SH2D5: variants seen among roughly 807,000 people sequenced by gnomAD.
SH2D5 encodes SH2 domain-containing protein 5.
SH2D5 carries 45 observed loss-of-function variants against 48.2 expected under a neutral mutation model. The ratio of observed to expected loss-of-function variants is 0.93; its 90% CI spans 0.73 to 1.20. The LOEUF (loss-of-function observed/expected upper bound fraction) is 1.20. SH2D5 is among the 50% of genes most tolerant of loss of function. SH2D5 has a pLI of 0.00. For missense variants in SH2D5, 538 were observed against 584.1 expected (o/e 0.92, Z 0.81); for synonymous variants, 230 against 249.8 (o/e 0.92, Z 0.75).
rs571512493 is a variant in SH2D5, at chr1:20,725,176, G to A, written c.391-541C>T. ...AGGCCCAGTGCTTGTCGGGAGCAGC[G>A]CATCCCAACCGCCACACACACCATC... On this transcript the variant is annotated intron_variant, in intron 5 of 9. Transcript: ENST00000444387. 1.1e-4 allele frequency among the ~76,000 whole-genome samples: 16 copies of A among 152,338 alleles called. No homozygotes were observed. The South Asian group carries it at 1.2e-3, about 12-fold the overall frequency.
Position 20,721,503 on chromosome 1 carries a change from C to T in SH2D5, c.*289G>A, listed in dbSNP as rs1398029139. The T allele has an allele frequency of 2.7e-6, 1 of 376,352 alleles. No individual in the cohort carries two copies. Among genetic ancestry groups the T allele is most frequent in the African/African-American group, 2.1e-5 (1 of 48,382 alleles). 23.3% of individuals were successfully genotyped at this position (376,352 alleles called of 1,614,324 possible). ...AAGCAGAAGCCCAGAAGTCCCAAAG[C>T]ATCCGAAGCCACACAGCAGGTCATC... On this transcript the variant is annotated 3_prime_UTR_variant, in exon 10 of 10. Transcript: ENST00000444387.
At chr1:20,723,881 C>G (rs565243700) in intron 7 of SH2D5, 147 bp from the exon 8 acceptor site, 1 of 984,054 alleles carries the variant, frequency 1.0e-6, no homozygotes, top group African/African-American at 1.6e-5. Flanking sequence ...TTCCGCCCGA[C>G]AGTTCTGGTC....
Position 20,728,734 on chromosome 1 carries a change from G to T in SH2D5, c.-42-648C>A, listed in dbSNP as rs557698930. On this transcript the variant is annotated intron_variant, in intron 1 of 9. Coordinates refer to ENST00000444387, the MANE Select transcript of SH2D5 (RefSeq NM_001103161.2). The surrounding 1 kb of genome is among the most constrained non-coding windows in gnomAD (Gnocchi z 4.3). ...ATCCAGTTTGGGATCAGCCTTAGAC[G>T]CCAGGCTCAGGAATTCAGACCCCAC... Among the ~76,000 whole-genome samples the T allele has an allele frequency of 1.3e-5, 2 of 152,330 alleles. No individual in the cohort carries two copies. The highest frequency in any genetic ancestry group is 1.9e-4 in the East Asian group (1 of 5,182).
intron 3 of SH2D5, 170 bp downstream of exon 3, chr1:20,727,353 A>C: frequency 1.5e-6 from 1 of 687,372 alleles, no homozygotes; most frequent in Non-Finnish European, 2.5e-6. Flanking sequence ...AGCCCAGGGC[A>C]TAAGGGATGG....
In SH2D5 at chr1:20,724,194, A is replaced by G; in HGVS notation, c.688T>C (p.Cys230Arg). The G allele has an allele frequency of 6.2e-7, 1 of 1,612,950 alleles. No individual in the cohort carries two copies. The highest frequency in any genetic ancestry group is 1.3e-5 in the African/African-American group (1 of 75,050). Residue 230 changes from cysteine (C) to arginine (R), a missense_variant, in exon 7 of 10, where the codon TGC (cysteine) becomes CGC (arginine). Coordinates refer to ENST00000444387, the MANE Select transcript of SH2D5 (RefSeq NM_001103161.2). Reference sequence around the variant, plus strand: ...TTCTTGCGCACCAGCGTGGGCGAGCAGTAGGGATTCCCCAGGCGGGCATGG... The same window carrying G: ...TTCTTGCGCACCAGCGTGGGCGAGCGGTAGGGATTCCCCAGGCGGGCATGG... The part of the protein sequence containing the change: ...ARHARLGNPY[C>R]SPTLVRKKAI...
intron 7 of SH2D5, 47 bp from the exon 8 acceptor site, chr1:20,723,781 C>G: frequency 6.7e-7 from 1 of 1,499,026 alleles, no homozygotes; most frequent in Non-Finnish European, 9.2e-7. Context: ...CGAGCCCTCC[C>G]ATTCCCTGCG....
chr1:20,727,416 G>T, intron 3 of SH2D5, 107 bp downstream of exon 3: 2 of 1,140,066 alleles, frequency 1.8e-6, no homozygotes, highest in East Asian at 5.2e-5. Flanking sequence ...AACAGGGCCT[G>T]TGTCCTGCCC....
chr1:20,727,366 C>T (rs1394147666), intron 3 of SH2D5, 157 bp downstream of exon 3: 4 of 756,286 alleles, frequency 5.3e-6, no homozygotes, highest in Non-Finnish European at 6.6e-6. Context: ...AGGGATGGGG[C>T]CCCTGGAGCC....
At position 20,721,723 on chromosome 1, in the gene SH2D5, C is replaced by T. The variant is rs768203327; in HGVS notation, c.*69G>A. 146 of 1,394,042 alleles carry T rather than the reference C, an allele frequency of 1.0e-4. No individual in the cohort carries two copies. Among genetic ancestry groups the T allele is most frequent in the Middle Eastern group, 5.2e-4 (2 of 3,828 alleles). The allele number at this position is 1,394,042 out of a possible 1,614,324, so 86.4% of individuals were successfully genotyped here. A position where few individuals can be genotyped will look rare whatever the true frequency, so the allele number is the denominator to read the frequency against. ...AACTGGCAACCAGAGGGGTGCAGGA[C>T]GGGCAGAGATGCTGCTGGGGCCCAG... On this transcript the variant is annotated 3_prime_UTR_variant, in exon 10 of 10. Transcript: ENST00000444387.
chr1:20,723,539 G>A (rs916508665), intron 8 of SH2D5, 87 bp downstream of exon 8: 6 of 1,030,720 alleles, frequency 5.8e-6, no homozygotes, highest in Non-Finnish European at 8.8e-6. Flanking sequence ...CCGTGCACGG[G>A]AGTGTGTGCC....
rs1287046066 is a variant in SH2D5 at position 20,728,445 on chromosome 1, G to T, written c.-42-359C>A. On this transcript the variant is annotated intron_variant, in intron 1 of 9. Transcript: ENST00000444387. This position sits in a 1 kb window ranked among gnomAD's most constrained non-coding sequence, Gnocchi z 4.3. ...TGGGTCAAGATCTGAAGGGTGTGGC[G>T]GTACATGCCCAGGGTCACTCAAAAA... Among the ~76,000 whole-genome samples the T allele has an allele frequency of 6.6e-6, 1 of 152,114 alleles. No homozygotes were observed. The highest frequency in any genetic ancestry group is 1.5e-5 in the Non-Finnish European group (1 of 68,004).
intron 5 of SH2D5, among the ~76,000 whole-genome samples, chr1:20,725,310 G>T (rs780466823): frequency 2.0e-5 from 3 of 152,212 alleles, no homozygotes; most frequent in South Asian, 2.1e-4. Context: ...ACAGCAAATG[G>T]TTGCTGGTCA....
intron 8 of SH2D5, 96 bp downstream of exon 8, chr1:20,723,530 C>G (rs2054729532): frequency 1.1e-6 from 1 of 930,678 alleles, no homozygotes; most frequent in Admixed American, 2.4e-5. Flanking sequence ...GCGCTCTGCC[C>G]GTGCACGGGA....
chr1:20,727,928 A>G, intron 2 of SH2D5, 30 bp downstream of exon 2: 1 of 1,511,962 alleles, frequency 6.6e-7, no homozygotes, highest in Non-Finnish European at 9.0e-7. Context: ...CACCCACCAG[A>G]GCACACCTGG....
intron 1 of SH2D5, among the ~76,000 whole-genome samples, chr1:20,730,061 C>G (rs1180004136): frequency 6.6e-6 from 1 of 152,090 alleles, no homozygotes; most frequent in Non-Finnish European, 1.5e-5. Context: ...GGGAGGGGGG[C>G]TTCCAGTGAA....
At chr1:20,731,400 C>G (rs1249728559) in intron 1 of SH2D5, 3 of 152,566 alleles carry the variant, frequency 2.0e-5, no homozygotes, top group South Asian at 4.1e-4. Context: ...CACTTAAGCT[C>G]TCAGCCTCCA....
intron 1 of SH2D5, chr1:20,730,753 T>G (rs2054893186): frequency 6.6e-6 from 1 of 152,472 alleles, no homozygotes; most frequent in Admixed American, 6.5e-5. Flanking sequence ...GACCTGCTTT[T>G]CTGAGGCTTT....
Position 20,721,810 on chromosome 1 carries a change from C to T in SH2D5, c.1254G>A (p.Glu418=), listed in dbSNP as rs1360008005. 1 of 1,590,036 alleles carries T rather than the reference C, an allele frequency of 6.3e-7. No individual in the cohort carries two copies. Among genetic ancestry groups the T allele is most frequent in the Non-Finnish European group, 8.6e-7 (1 of 1,167,306 alleles). The change falls in exon 10 of 10, where the codon GAG becomes GAA. Residue 418 remains glutamate (E), a synonymous_variant. Transcript: ENST00000444387. ...CTACCTCTTAGCCCAGGCCCTGCAG[C>T]TCTGCCTCGGACTTGGCATGGCTGA... ...RPLSHAKSEA[E]LQGLG is the part of the protein sequence containing the mutation.
chr1:20,722,733 C>T, intron 9 of SH2D5, 23 bp downstream of exon 9: 2 of 1,434,138 alleles, frequency 1.4e-6, no homozygotes, highest in Non-Finnish European at 1.8e-6. Flanking sequence ...GGGCCCAGGC[C>T]CCTCTGGCTG....
Sources: allele counts gnomAD v4.1 joint callset (sites outside exome capture counted in the v4.1 genomes callset), GRCh38; gene constraint gnomAD v4.1.1; non-coding constraint Gnocchi (gnomAD v3.1); transcripts MANE v1.5; gene names NCBI Gene and HGNC (gene_info 2026-07-23, HGNC 2026-07-21).